Variants in FSTL4 observed in about 807,000 individuals in gnomAD.
FSTL4 encodes the protein follistatin-related protein 4.
A neutral mutation model predicts 78.2 loss-of-function variants in FSTL4; 28 were observed. The ratio of observed to expected loss-of-function variants is 0.36; its 90% CI spans 0.27 to 0.49. The LOEUF (loss-of-function observed/expected upper bound fraction) is 0.49, where lower values mean the gene tolerates loss of function less well. FSTL4 is among the 20% of genes least tolerant of loss of function. FSTL4 has a pLI of 0.98. For missense variants in FSTL4, 922 were observed against 1,084.9 expected, an observed-to-expected ratio of 0.85 and a Z score of 2.11; for synonymous variants, 422 against 440.5, an observed-to-expected ratio of 0.96 and a Z score of 0.53.
chr5:133,264,689 C>A (rs1391734609), intron 6 of FSTL4, among the ~76,000 whole-genome samples: 3 of 152,198 alleles, frequency 2.0e-5, no homozygotes, highest in Non-Finnish European at 4.4e-5. Flanking sequence ...GGACATTTCT[C>A]TCTCTCTTCG....
At chr5:133,298,846 G>A (rs1022017831) in intron 6 of FSTL4, among the ~76,000 whole-genome samples, 1 of 140,094 alleles carries the variant, frequency 7.1e-6, no homozygotes, top group African/African-American at 2.5e-5. Context: ...ATCAGGAACC[G>A]GGGCTGGAGA....
At chr5:133,819,584 C>A in the FSTL4 span, among the ~76,000 whole-genome samples, 3 of 152,224 alleles carry the variant, frequency 2.0e-5, no homozygotes, top group African/African-American at 4.8e-5. Flanking sequence ...AAACTCATAG[C>A]ACCGTTGGAG....
the FSTL4 span, among the ~76,000 whole-genome samples, chr5:133,693,508 C>A: frequency 6.6e-6 from 1 of 152,082 alleles, no homozygotes; most frequent in Non-Finnish European, 1.5e-5. Context: ...GAAGAACTGG[C>A]GTGGATTAGT....
the FSTL4 span, among the ~76,000 whole-genome samples, chr5:133,735,103 A>G: frequency 6.6e-6 from 1 of 152,286 alleles, no homozygotes; most frequent in African/African-American, 2.4e-5. Flanking sequence ...ATCCATTAGA[A>G]GGGAGTCCCC....
the FSTL4 span, among the ~76,000 whole-genome samples, chr5:133,725,457 C>A: frequency 6.6e-6 from 1 of 152,240 alleles, no homozygotes; most frequent in African/African-American, 2.4e-5. Flanking sequence ...CACCCACTCC[C>A]TTTCTTCAGG....
chr5:133,232,820 T>C (rs1581552039), intron 8 of FSTL4, among the ~76,000 whole-genome samples: 1 of 152,332 alleles, frequency 6.6e-6, no homozygotes, highest in Admixed American at 6.5e-5. Context: ...CCCTGGCTAC[T>C]GTCATCAGGA....
At chr5:133,466,473 C>T (rs181082873) in intron 3 of FSTL4, among the ~76,000 whole-genome samples, 1 of 151,318 alleles carries the variant, frequency 6.6e-6, no homozygotes, top group Non-Finnish European at 1.5e-5. Flanking sequence ...ACCCAGGAGG[C>T]GGAGCTTGCA....
chr5:133,637,153 C>T, the FSTL4 span, among the ~76,000 whole-genome samples: 18 of 152,190 alleles, frequency 1.2e-4, no homozygotes, highest in African/African-American at 2.6e-4. Flanking sequence ...ACCCTATTTA[C>T]GATGTGACAG....
At chr5:133,510,802 T>C (rs1758715325) in intron 3 of FSTL4, among the ~76,000 whole-genome samples, 2 of 151,992 alleles carry the variant, frequency 1.3e-5, no homozygotes, top group African/African-American at 4.8e-5. Flanking sequence ...GTCAGCAAAA[T>C]GGATCTGAGC....
intron 7 of FSTL4, chr5:133,243,818 C>G (rs1057467430): frequency 6.6e-6 from 1 of 152,378 alleles, no homozygotes; most frequent in African/African-American, 2.4e-5. Context: ...TTTTGAGATG[C>G]CCTGTCCCTG....
At chr5:133,403,940 T>C (rs1156688523) in intron 3 of FSTL4, among the ~76,000 whole-genome samples, 2 of 152,138 alleles carry the variant, frequency 1.3e-5, no homozygotes, top group East Asian at 3.8e-4. Flanking sequence ...TACGTTTGCT[T>C]AACTTGCTGG....
At chr5:133,468,250 T>C (rs1757753280) in intron 3 of FSTL4, among the ~76,000 whole-genome samples, 1 of 152,246 alleles carries the variant, frequency 6.6e-6, no homozygotes, top group Admixed American at 6.5e-5. Flanking sequence ...CTGTGGGTCT[T>C]GTCTTAGTGC....
At chr5:133,717,196 C>G in the FSTL4 span, among the ~76,000 whole-genome samples, 1 of 152,168 alleles carries the variant, frequency 6.6e-6, no homozygotes, top group Non-Finnish European at 1.5e-5. Flanking sequence ...GTTAAAATTC[C>G]AACAGTTGAG....
intron 4 of FSTL4, among the ~76,000 whole-genome samples, chr5:133,363,460 T>C (rs1316723071): frequency 6.6e-6 from 1 of 151,926 alleles, no homozygotes; most frequent in African/African-American, 2.4e-5. Context: ...AATCACGCCT[T>C]CCCCCAAGCT....
intron 3 of FSTL4, among the ~76,000 whole-genome samples, chr5:133,480,748 C>A (rs1758010349): frequency 6.6e-6 from 1 of 152,136 alleles, no homozygotes. Context: ...AACCTCTGCT[C>A]CGGATGCTGC....
At chr5:133,691,210 A>G in the FSTL4 span, among the ~76,000 whole-genome samples, 5,155 of 152,316 alleles carry the variant, frequency 0.034, 149 homozygotes, top group East Asian at 0.17. Context: ...TAAAAATACA[A>G]TTTGATTATA....
the FSTL4 span, among the ~76,000 whole-genome samples, chr5:133,692,421 C>T: frequency 6.6e-6 from 1 of 152,270 alleles, no homozygotes; most frequent in South Asian, 2.1e-4. Flanking sequence ...TCACGAAGAT[C>T]CCTCTGGCTG....
intron 1 of FSTL4, among the ~76,000 whole-genome samples, chr5:133,609,398 T>G (rs1761042143): frequency 6.6e-6 from 1 of 152,174 alleles, no homozygotes; most frequent in Admixed American, 6.5e-5. Flanking sequence ...CTCTTCTGCA[T>G]GTCTGCTCAA....
the FSTL4 span, among the ~76,000 whole-genome samples, chr5:133,819,631 T>C: frequency 2.6e-5 from 4 of 152,212 alleles, no homozygotes; most frequent in South Asian, 2.1e-4. Flanking sequence ...AAATTCACAA[T>C]ACATCCACAG....
Sources: gnomAD v4.1 joint callset for allele counts (sites outside exome capture counted in the v4.1 genomes callset) on GRCh38, gnomAD v4.1.1 for gene constraint, MANE v1.5 for transcripts, NCBI Gene and HGNC (gene_info 2026-07-23, HGNC 2026-07-21) for gene names.